Variants in FBXL17 observed in about 807,000 individuals in gnomAD.
FBXL17 encodes the protein F-box and leucine rich repeat protein 17.
Under a neutral mutation model 66.2 loss-of-function variants are expected in FBXL17, and 22 were observed. The ratio of observed to expected loss-of-function variants is 0.33; its 90% CI spans 0.24 to 0.47. The LOEUF is 0.47. Among genes scored for constraint, FBXL17 ranks in the 20% least tolerant of loss-of-function variants. FBXL17 has a pLI of 1.00. For missense variants in FBXL17, 878 were observed against 948.2 expected (o/e 0.93, Z 0.97); for synonymous variants, 474 against 400.5 (o/e 1.18, Z -2.19).
At chr5:108,018,800 T>C (rs1055182680) in intron 7 of FBXL17, among the ~76,000 whole-genome samples, 2 of 152,110 alleles carry the variant, frequency 1.3e-5, no homozygotes, top group Non-Finnish European at 1.5e-5. Flanking sequence ...ACAAGATCAG[T>C]TGTCAACTTT....
intron 6 of FBXL17, among the ~76,000 whole-genome samples, chr5:108,121,164 T>C (rs192092201): frequency 3.0e-4 from 45 of 151,868 alleles, no homozygotes; most frequent in East Asian, 2.9e-3. Context: ...CCTGTCTCTA[T>C]TGAAAATACA....
chr5:108,010,840 T>C (rs1271902256), intron 7 of FBXL17, among the ~76,000 whole-genome samples: 1 of 152,158 alleles, frequency 6.6e-6, no homozygotes, highest in East Asian at 1.9e-4. Context: ...ATCACCTTTA[T>C]GGGATGATGC....
At chr5:108,126,279 G>A (rs1750692839) in intron 6 of FBXL17, among the ~76,000 whole-genome samples, 1 of 152,048 alleles carries the variant, frequency 6.6e-6, no homozygotes, top group African/African-American at 2.4e-5. Context: ...CGGTCCAAAG[G>A]CACATTTTCT....
intron 6 of FBXL17, among the ~76,000 whole-genome samples, chr5:108,097,268 T>C (rs1225585069): frequency 6.6e-6 from 1 of 152,176 alleles, no homozygotes. Flanking sequence ...CCTCCCCAGC[T>C]GTGTGGAACT....
intron 4 of FBXL17, among the ~76,000 whole-genome samples, chr5:108,270,119 C>T (rs1757206301): frequency 6.6e-6 from 1 of 152,046 alleles, no homozygotes; most frequent in Non-Finnish European, 1.5e-5. Context: ...TAAACAATCT[C>T]CAGCATCTAA....
At chr5:107,982,312 G>A (rs775654558) in intron 7 of FBXL17, among the ~76,000 whole-genome samples, 5 of 151,194 alleles carry the variant, frequency 3.3e-5, no homozygotes, top group Non-Finnish European at 5.9e-5. Flanking sequence ...CATCAATATT[G>A]ACCTTATCTA....
intron 4 of FBXL17, among the ~76,000 whole-genome samples, chr5:108,305,209 T>C (rs1488364396): frequency 6.6e-6 from 1 of 152,036 alleles, no homozygotes; most frequent in African/African-American, 2.4e-5. Flanking sequence ...AAGGACATAG[T>C]AGAAGTCAGG....
chr5:108,294,251 T>C (rs1346467561), intron 4 of FBXL17, among the ~76,000 whole-genome samples: 1 of 127,482 alleles, frequency 7.8e-6, no homozygotes, highest in Admixed American at 8.6e-5. Context: ...ACTGAATATA[T>C]ATATATTCAG....
intron 7 of FBXL17, among the ~76,000 whole-genome samples, chr5:108,002,182 A>ATTTTTTTTTTT (rs765399250): frequency 1.1e-4 from 12 of 109,450 alleles, no homozygotes; most frequent in African/African-American, 5.4e-4. Context: ...CACCCAGCTA[A>ATTTTTTTTTTT]TTTTTTTTTT....
intron 6 of FBXL17, among the ~76,000 whole-genome samples, chr5:108,181,186 C>G (rs1752987990): frequency 6.6e-6 from 1 of 151,888 alleles, no homozygotes; most frequent in Non-Finnish European, 1.5e-5. Context: ...ATGTTGTAGA[C>G]CAAATTGGAT....
At chr5:108,308,873 A>G (rs1475473429) in intron 4 of FBXL17, among the ~76,000 whole-genome samples, 2 of 152,148 alleles carry the variant, frequency 1.3e-5, no homozygotes, top group Non-Finnish European at 2.9e-5. Context: ...TAAACACTGT[A>G]CGTAAGAATA....
At chr5:108,195,927 A>T (rs1029306579) in intron 5 of FBXL17, among the ~76,000 whole-genome samples, 1 of 152,166 alleles carries the variant, frequency 6.6e-6, no homozygotes, top group African/African-American at 2.4e-5. Flanking sequence ...GCAGGCAGAA[A>T]AGATAGTTTT....
rs1160302214 is a variant in FBXL17, at chr5:107,859,402, T to G, written c.*2318A>C. 2.1e-5 allele frequency: 3 copies of G among 143,856 alleles called. No individual in the cohort carries two copies. The highest frequency in any genetic ancestry group is 4.6e-5 in the Non-Finnish European group (3 of 65,388). 8.9% of individuals were successfully genotyped at this position (143,856 alleles called of 1,614,324 possible). ...CTTTTTTCTGGCTGTTTTTTTTTTT[T>G]TTTTTTTTTTTTTTTGAGATTAATG... On this transcript the variant is annotated 3_prime_UTR_variant, in exon 9 of 9. Transcript: ENST00000542267.
At chr5:108,280,727 TG>T (rs1210263031) in intron 4 of FBXL17, among the ~76,000 whole-genome samples, 1 of 112,578 alleles carries the variant, frequency 8.9e-6, no homozygotes, top group African/African-American at 3.6e-5. Context: ...ATTGGCAGAA[TG>T]AATTAAAAAA....
chr5:108,218,962 G>A (rs1754730168), intron 5 of FBXL17, among the ~76,000 whole-genome samples: 1 of 152,052 alleles, frequency 6.6e-6, no homozygotes, highest in African/African-American at 2.4e-5. Flanking sequence ...TATTTTGAGT[G>A]CCTAATCAAC....
intron 4 of FBXL17, among the ~76,000 whole-genome samples, chr5:108,333,906 T>C (rs534407924): frequency 1.4e-4 from 22 of 152,206 alleles, no homozygotes; most frequent in Non-Finnish European, 2.6e-4. Context: ...AATTTTACCA[T>C]GAGGAGACCT....
At chr5:108,255,166 A>C (rs928316688) in intron 4 of FBXL17, among the ~76,000 whole-genome samples, 2 of 152,208 alleles carry the variant, frequency 1.3e-5, no homozygotes, top group Non-Finnish European at 2.9e-5. Flanking sequence ...ATAATAAAAT[A>C]CATTTTTTGC....
chr5:107,980,664 A>ATATATATATATATTTTTTTTTTTTTTT, intron 7 of FBXL17, among the ~76,000 whole-genome samples: 1 of 62,074 alleles, frequency 1.6e-5, no homozygotes, highest in African/African-American at 1.0e-4. Flanking sequence ...ATATATATAT[A>ATATATATATATATTTTTTTTTTTTTTT]TTTTTTTTTT....
intron 4 of FBXL17, among the ~76,000 whole-genome samples, chr5:108,274,158 G>C (rs1421149009): frequency 1.3e-5 from 2 of 152,174 alleles, no homozygotes; most frequent in African/African-American, 2.4e-5. Context: ...CAGGGTTTTT[G>C]AGATCAACTG....
Sources: gnomAD v4.1 joint callset for allele counts (sites outside exome capture counted in the v4.1 genomes callset) on GRCh38, gnomAD v4.1.1 for gene constraint, MANE v1.5 for transcripts, NCBI Gene and HGNC (gene_info 2026-07-23, HGNC 2026-07-21) for gene names.